PLXNB1: variants seen among roughly 807,000 people sequenced by gnomAD.
PLXNB1 encodes plexin-B1.
Under a neutral mutation model 209.4 loss-of-function variants are expected in PLXNB1, and 106 were observed. The ratio of observed to expected loss-of-function variants is 0.51; its 90% confidence interval spans 0.43 to 0.59. PLXNB1 has a LOEUF of 0.59. Ranked by LOEUF, PLXNB1 falls within the 20% of genes least tolerant of loss-of-function variation. The probability of loss-of-function intolerance (pLI) is 0.00; values close to 1 mark genes in which losing one functional copy is unlikely to be tolerated. For synonymous variants in PLXNB1, 1,167 were observed against 1,183.2 expected (o/e 0.99, Z 0.28); for missense variants, 2,357 against 2,853.2 (o/e 0.83, Z 3.96).
rs761620373 is a variant in PLXNB1, at chr3:48,419,592, G to A, written c.2694C>T (p.Pro898=). 2.1e-5 allele frequency: 34 copies of A among 1,607,768 alleles called. No homozygotes were observed. The highest frequency in any genetic ancestry group is 2.6e-5 in the Non-Finnish European group (31 of 1,176,250). Residue 898 remains proline, a synonymous_variant, in exon 11 of 38, where the codon CCC becomes CCT. Coordinates refer to ENST00000296440, the MANE Select transcript of PLXNB1 (RefSeq NM_001130082.3). The surrounding 1 kb of genome is among the most constrained non-coding windows in gnomAD (Gnocchi z 5.7). ...TGGGCCTCACCAGCTCCCAGAGCCC[G>A]GGGGTGTCATACTGGTAGTCGAGGC... The part of the protein sequence containing the change: ...PSSLDYQYDT[P]GLWELEEATL...
chr3:48,420,501 G>T (rs1054370205), intron 10 of PLXNB1, among the ~76,000 whole-genome samples, 164 bp downstream of exon 10: 22 of 152,188 alleles, frequency 1.4e-4, no homozygotes, highest in African/African-American at 4.8e-4. Flanking sequence ...CCCAAAACAG[G>T]CGGGATGTAT....
chr3:48,410,540 G>T lies in PLXNB1; in HGVS notation c.5435C>A (p.Ala1812Asp). The change falls in exon 30 of 38, where the codon GCC becomes GAC. Residue 1812 changes from alanine to aspartate, a missense_variant. By Grantham distance (126) the Ala-to-Asp change is moderately radical. Coordinates refer to ENST00000296440, the MANE Select transcript of PLXNB1 (RefSeq NM_001130082.3). The surrounding 1 kb of genome is among the most constrained non-coding windows in gnomAD (Gnocchi z 6.4). ...CTCGTCAGAAAGAATGAGGTGCCCGGCCACCCCAGACCGCCACTCTGCAAG... is the reference window on the plus strand; with the variant it reads ...CTCGTCAGAAAGAATGAGGTGCCCGTCCACCCCAGACCGCCACTCTGCAAG... ...TLDVEWRSGV[A>D]GHLILSDEDV... 1 of 1,613,416 alleles carries T rather than the reference G, an allele frequency of 6.2e-7. No individual in the cohort carries two copies. Among genetic ancestry groups the T allele is most frequent in the Non-Finnish European group, 8.5e-7 (1 of 1,179,888 alleles).
At chr3:48,421,019 A>G in intron 8 of PLXNB1, 63 bp from the exon 9 acceptor site, 2 of 1,420,696 alleles carry the variant, frequency 1.4e-6, no homozygotes, top group South Asian at 2.3e-5. Flanking sequence ...CCCAGAGCCG[A>G]TATCCTGAGC....
Position 48,410,706 on chromosome 3 carries a change from C to T in PLXNB1, c.5417-148G>A. The T allele has an allele frequency of 2.1e-6, 2 of 936,482 alleles. No homozygotes were observed. The highest frequency in any genetic ancestry group is 3.2e-6 in the Non-Finnish European group (2 of 616,864). 58.0% of individuals were successfully genotyped at this position (936,482 alleles called of 1,614,324 possible). ...AAAGACCAAGAGCAGGGACCCCCTC[C>T]CCAGATGAGAGGCTGTCCAAGAAAG... On this transcript the variant is annotated intron_variant, in intron 29 of 37. Transcript: ENST00000296440. The surrounding 1 kb of genome is among the most constrained non-coding windows in gnomAD (Gnocchi z 6.4).
intron 34 of PLXNB1, 64 bp from the exon 35 acceptor site, chr3:48,407,155 A>G (rs1325937977): frequency 1.4e-6 from 2 of 1,449,348 alleles, no homozygotes; most frequent in Non-Finnish European, 1.9e-6. Context: ...TGTTCGAGTG[A>G]TCAAGTGTCC....
rs969789991 is a variant in PLXNB1, at chr3:48,412,556, A to G, written c.4919T>C (p.Leu1640Pro). ...CTTCCCATGCAGTGCCACGGTGAGC[A>G]GAGATGCCACGTAGGCACGGTCCCG... ...SARDRAYVAS[L>P]LTVALHGKLE... is the part of the protein sequence containing the mutation. Residue 1640 changes from leucine to proline, a missense_variant, in exon 26 of 38, where the codon CTG becomes CCG. Leu to Pro is a moderately conservative substitution (Grantham distance 98). Coordinates refer to ENST00000296440, the MANE Select transcript of PLXNB1 (RefSeq NM_001130082.3). 2 of 1,613,644 alleles carry G rather than the reference A, an allele frequency of 1.2e-6. No individual in the cohort carries two copies. The highest frequency in any genetic ancestry group is 1.7e-6 in the Non-Finnish European group (2 of 1,180,028).
In PLXNB1 at chr3:48,417,467, A is replaced by AGTGTGCCTTTCTGAG. The variant is rs1345957431; in HGVS notation, c.3374+429_3374+443dup. Among the ~76,000 whole-genome samples, 4 of 152,316 alleles carry AGTGTGCCTTTCTGAG rather than the reference A, an allele frequency of 2.6e-5. No homozygotes were observed. Among genetic ancestry groups the AGTGTGCCTTTCTGAG allele is most frequent in the Admixed American group, 2.0e-4 (3 of 15,300 alleles). ...CGACAGTGGAGCCTGGCCCTCGGCC[A>AGTGTGCCTTTCTGAG]GTGTGCCTTTCTGAGGTGTGCCTTC... On this transcript the variant is annotated intron_variant, in intron 16 of 37. Coordinates refer to ENST00000296440, the MANE Select transcript of PLXNB1 (RefSeq NM_001130082.3). This position sits in a 1 kb window ranked among gnomAD's most constrained non-coding sequence, Gnocchi z 4.4.
rs1284960282 is a variant in PLXNB1 at position 48,412,594 on chromosome 3, G to C, written c.4881C>G (p.Arg1627=). ...AGGCACGGTCCCGAGCTGAAAAGGT[G>C]CGCTGGCTCTCCAGCGTGTGGATGA... ...TKFIHTLESQ[R]TFSARDRAYV... The change falls in exon 26 of 38, where the codon CGC becomes CGG. Residue 1627 remains arginine, a synonymous_variant. Coordinates refer to ENST00000296440, the MANE Select transcript of PLXNB1 (RefSeq NM_001130082.3). 6.2e-7 allele frequency: 1 copy of C among 1,613,442 alleles called. No individual in the cohort carries two copies. Among genetic ancestry groups the C allele is most frequent in the Non-Finnish European group, 8.5e-7 (1 of 1,180,046 alleles).
chr3:48,416,379 T>C lies in PLXNB1; in HGVS notation c.3447A>G (p.Gly1149=). 6.2e-7 allele frequency: 1 copy of C among 1,613,012 alleles called. No homozygotes were observed. Among genetic ancestry groups the C allele is most frequent in the Non-Finnish European group, 8.5e-7 (1 of 1,179,820 alleles). ...CAAAGTCGTGTTCTGAGACACCACGTCCTCTTCCCGGCACCTCCACCGCTG... is the reference window on the plus strand; with the variant it reads ...CAAAGTCGTGTTCTGAGACACCACGCCCTCTTCCCGGCACCTCCACCGCTG... ...GATAVEVPGR[G]RGVSEHDFAY... is the part of the protein sequence containing the mutation. The change falls in exon 17 of 38, where the codon GGA becomes GGG. Residue 1149 remains glycine, a synonymous_variant. Transcript: ENST00000296440. The surrounding 1 kb of genome is among the most constrained non-coding windows in gnomAD (Gnocchi z 4.1).
intron 1 of PLXNB1, among the ~76,000 whole-genome samples, chr3:48,426,977 G>A (rs1448227548): frequency 1.3e-5 from 2 of 152,126 alleles, no homozygotes; most frequent in East Asian, 3.9e-4. Context: ...CAATTCTCCT[G>A]CCACCGCATG....
At position 48,404,448 on chromosome 3, in the gene PLXNB1, C is replaced by T. The variant is rs776576375; in HGVS notation, c.*38G>A. 2 of 1,438,994 alleles carry T rather than the reference C, an allele frequency of 1.4e-6. No homozygotes were observed. The highest frequency in any genetic ancestry group is 2.3e-5 in the South Asian group (2 of 85,488). The allele number at this position is 1,438,994 out of a possible 1,614,324, so 89.1% of individuals were successfully genotyped here. On this transcript the variant is annotated 3_prime_UTR_variant, in exon 38 of 38. Coordinates refer to ENST00000296440, the MANE Select transcript of PLXNB1 (RefSeq NM_001130082.3). Reference sequence around the variant, plus strand: ...CTCCGAGCTTCCAGGGCTGCCCAGGCCAGGCTGAAGCAACAGCAGGCCGTG... The same window carrying T: ...CTCCGAGCTTCCAGGGCTGCCCAGGTCAGGCTGAAGCAACAGCAGGCCGTG...
intron 21 of PLXNB1, 102 bp downstream of exon 21, chr3:48,414,697 C>A: frequency 7.1e-7 from 1 of 1,409,644 alleles, no homozygotes; most frequent in Non-Finnish European, 9.7e-7. Flanking sequence ...GTCCATCCAC[C>A]GGCCCTTGCT....
rs2038029488 is a variant in PLXNB1, at chr3:48,415,563, C to T, written c.3794+20G>A. The T allele has an allele frequency of 6.4e-7, 1 of 1,551,336 alleles. No homozygotes were observed. The highest frequency in any genetic ancestry group is 2.3e-5 in the East Asian group (1 of 42,578). ...GACCTCCCTGCCACCTGCCATGCAG[C>T]CACACCCCTGGCCCAACACCTGAGG... On this transcript the variant is annotated intron_variant, in intron 19 of 37. Transcript: ENST00000296440. This position sits in a 1 kb window ranked among gnomAD's most constrained non-coding sequence, Gnocchi z 5.0.
chr3:48,418,725 T>C lies in PLXNB1; in HGVS notation c.2956-183A>G, dbSNP rs921262190. Among the ~76,000 whole-genome samples, 13 of 151,936 alleles carry C rather than the reference T, an allele frequency of 8.6e-5. No individual in the cohort carries two copies. The highest frequency in any genetic ancestry group is 2.9e-4 in the African/African-American group (12 of 41,364). Reference sequence around the variant, plus strand: ...ATGGGGACCCCATGGGGTCTCAAGTTAGAGTTCAGAGCTGGGATGCAAGGA... The same window carrying C: ...ATGGGGACCCCATGGGGTCTCAAGTCAGAGTTCAGAGCTGGGATGCAAGGA... On this transcript the variant is annotated intron_variant, in intron 13 of 37. Coordinates refer to ENST00000296440, the MANE Select transcript of PLXNB1 (RefSeq NM_001130082.3). The surrounding 1 kb of genome is among the most constrained non-coding windows in gnomAD (Gnocchi z 6.6).
Position 48,409,660 on chromosome 3 carries a change from AGCGAGCG to A in PLXNB1, c.5843_5849del (p.Pro1948LeufsTer2). ...CCAGCAGGTCAAAGAAGTACTTCAC[AGCGAGCG>A]GCACGGGGCGGCTGGTGCTGAGAAT... On this transcript the variant is annotated frameshift_variant, in exon 33 of 38. Transcript: ENST00000296440. LOFTEE classifies it high-confidence loss of function. This position sits in a 1 kb window ranked among gnomAD's most constrained non-coding sequence, Gnocchi z 5.8. 1 of 1,614,010 alleles carries A rather than the reference AGCGAGCG, an allele frequency of 6.2e-7. No individual in the cohort carries two copies. Among genetic ancestry groups the A allele is most frequent in the Non-Finnish European group, 8.5e-7 (1 of 1,180,022 alleles).
At position 48,415,617 on chromosome 3, in the gene PLXNB1, T is replaced by G; in HGVS notation, c.3760A>C (p.Ile1254Leu). Residue 1254 changes from isoleucine (I) to leucine (L), a missense_variant, in exon 19 of 38, where the codon ATC (isoleucine) becomes CTC (leucine). By Grantham distance (5) the Ile-to-Leu change is conservative. Transcript: ENST00000296440. The surrounding 1 kb of genome is among the most constrained non-coding windows in gnomAD (Gnocchi z 5.0). ...GQFKYTLDPNITSAGPTKSFL... is the reference protein window; with the variant it reads ...GQFKYTLDPNLTSAGPTKSFL... The stretch of plus-strand genomic sequence containing the variant: ...CTCTTGGTGGGGCCAGCAGAGGTGA[T>G]GTTGGGGTCCAAGGTATACTTGAAC... 1.3e-6 allele frequency: 2 copies of G among 1,584,446 alleles called. No individual in the cohort carries two copies. Among genetic ancestry groups the G allele is most frequent in the South Asian group, 2.3e-5 (2 of 86,714 alleles).
At position 48,411,685 on chromosome 3, in the gene PLXNB1, ACTG is replaced by A. The variant is rs1375303382; in HGVS notation, c.5247+175_5247+177del. 6.6e-6 allele frequency among the ~76,000 whole-genome samples: 1 copy of A among 152,204 alleles called. No individual in the cohort carries two copies. The highest frequency in any genetic ancestry group is 2.4e-5 in the African/African-American group (1 of 41,518). ...GCCTTATCATCAAAGTCTGCCCTAA[ACTG>A]CTATCCTGCTAAGCTAGTCTGATGG... is the stretch of plus-strand genomic sequence containing the variant. On this transcript the variant is annotated intron_variant, in intron 28 of 37. Coordinates refer to ENST00000296440, the MANE Select transcript of PLXNB1 (RefSeq NM_001130082.3). This position sits in a 1 kb window ranked among gnomAD's most constrained non-coding sequence, Gnocchi z 4.0.
intron 2 of PLXNB1, 125 bp from the exon 3 acceptor site, chr3:48,424,742 G>C: frequency 1.0e-6 from 1 of 993,276 alleles, no homozygotes; most frequent in South Asian, 1.7e-5. Flanking sequence ...GTGAGCAGAG[G>C]AGGACCAGGC....
Position 48,413,250 on chromosome 3 carries a change from CCGGCCT to C in PLXNB1, c.4536-87_4536-82del, listed in dbSNP as rs1489411502. 9.1e-7 allele frequency: 1 copy of C among 1,093,748 alleles called. No homozygotes were observed. The allele number at this position is 1,093,748 out of a possible 1,614,324, so 67.8% of individuals were successfully genotyped here. A position where few individuals can be genotyped will look rare whatever the true frequency, so the allele number is the denominator to read the frequency against. Reference sequence around the variant, plus strand: ...CTGCCTGACAATCCCCAGGCACACCCCGGCCTCATCCAGCACAGTCCAATGCAGCCA... The same window carrying C: ...CTGCCTGACAATCCCCAGGCACACCCCATCCAGCACAGTCCAATGCAGCCA... On this transcript the variant is annotated intron_variant, in intron 23 of 37. Coordinates refer to ENST00000296440, the MANE Select transcript of PLXNB1 (RefSeq NM_001130082.3). This position sits in a 1 kb window ranked among gnomAD's most constrained non-coding sequence, Gnocchi z 5.4.
Sources: allele counts gnomAD v4.1 joint callset (sites outside exome capture counted in the v4.1 genomes callset), GRCh38; gene constraint gnomAD v4.1.1; non-coding constraint Gnocchi (gnomAD v3.1); transcripts MANE v1.5; gene names NCBI Gene and HGNC (gene_info 2026-07-23, HGNC 2026-07-21).